The following FLYWCH1 variants were observed in gnomAD, a reference collection of about 807,000 sequenced individuals.
FLYWCH1 encodes the protein FLYWCH-type zinc finger-containing protein 1.
A neutral mutation model predicts 66.4 loss-of-function variants in FLYWCH1; 75 were observed. That is an observed-to-expected ratio of 1.13 (90% CI 0.94 to 1.37). The LOEUF is 1.37. FLYWCH1 is among the 40% of genes most tolerant of loss of function. The pLI, the probability that FLYWCH1 is intolerant of heterozygous loss-of-function variation, is 0.00. For synonymous variants in FLYWCH1, 595 were observed against 429.9 expected (o/e 1.38, Z -4.75); for missense variants, 1,334 against 1,001.8 (o/e 1.33, Z -4.48).
chr16:2,938,607 G>GTTTTT (rs35169451), intron 8 of FLYWCH1, among the ~76,000 whole-genome samples, 151 bp downstream of exon 8: 12 of 129,156 alleles, frequency 9.3e-5, no homozygotes, highest in Non-Finnish European at 1.6e-4. Context: ...ACCAGTCTTT[G>GTTTTT]TTTTTTTTTT....
intron 8 of FLYWCH1, among the ~76,000 whole-genome samples, chr16:2,939,540 G>C (rs1209853990): frequency 6.7e-6 from 1 of 148,466 alleles, no homozygotes; most frequent in African/African-American, 2.5e-5. Context: ...GTGAAACCCT[G>C]TCTCTAAAAA....
rs115196548 is a variant in FLYWCH1 at position 2,933,794 on chromosome 16, C to G, written c.1328C>G (p.Ala443Gly). 1.9e-6 allele frequency: 3 copies of G among 1,608,324 alleles called. No homozygotes were observed. In the East Asian group the frequency reaches 6.7e-5, roughly 36 times the overall value. Residue 443 changes from alanine (A) to glycine (G), a missense_variant, in exon 6 of 10, where the codon GCG (alanine) becomes GGG (glycine). Physicochemically the swap from Ala to Gly is moderately conservative, Grantham distance 60. Coordinates refer to ENST00000253928, the MANE Select transcript of FLYWCH1 (RefSeq NM_001308068.2). ...TCCTTCCTCTACCGGCGGGAGAAGG[C>G]GGCTGGGGAGAAGGTGTATTGGACC... ...YESFLYRREK[A>G]AGEKVYWTCR...
Position 2,933,980 on chromosome 16 carries a change from G to A in FLYWCH1, c.1513+1G>A, listed in dbSNP as rs775417603. On this transcript the variant is annotated splice_donor_variant, in intron 6 of 9. Coordinates refer to ENST00000253928, the MANE Select transcript of FLYWCH1 (RefSeq NM_001308068.2). LOFTEE classifies it high-confidence loss of function. Reference sequence around the variant, plus strand: ...AACACGGCGCAGCGGGGGAGCCCAGGTACCTGGGGGTGGGCTGGGAGCTGG... The same window carrying A: ...AACACGGCGCAGCGGGGGAGCCCAGATACCTGGGGGTGGGCTGGGAGCTGG... 9 of 1,521,726 alleles carry A rather than the reference G, an allele frequency of 5.9e-6. No individual in the cohort carries two copies. The highest frequency in any genetic ancestry group is 8.0e-6 in the Non-Finnish European group (9 of 1,131,816). 94.3% of individuals were successfully genotyped at this position (1,521,726 alleles called of 1,614,324 possible). A position where few individuals can be genotyped will look rare whatever the true frequency, so the allele number is the denominator to read the frequency against.
rs781476278 is a variant in FLYWCH1, at chr16:2,937,354, T to C, written c.1747T>C (p.Phe583Leu). The change falls in exon 7 of 10, where the codon TTC becomes CTC. Residue 583 changes from phenylalanine to leucine, a missense_variant. Transcript: ENST00000253928. ...GLEALRQREH[F>L]PNLAQWDSPD... Reference sequence around the variant, plus strand: ...GGAGGCCCTGCGGCAGCGGGAGCACTTCCCCAACCTGGCGCAGTGGGACAG... The same window carrying C: ...GGAGGCCCTGCGGCAGCGGGAGCACCTCCCCAACCTGGCGCAGTGGGACAG... The C allele has an allele frequency of 4.4e-6, 7 of 1,587,254 alleles. No homozygotes were observed. Among genetic ancestry groups the C allele is most frequent in the Non-Finnish European group, 6.0e-6 (7 of 1,167,544 alleles).
rs780502364 is a variant in FLYWCH1 at position 2,930,852 on chromosome 16, G to A, written c.768G>A (p.Pro256=). 40 of 1,600,574 alleles carry A rather than the reference G, an allele frequency of 2.5e-5. No homozygotes were observed. Among genetic ancestry groups the A allele is most frequent in the Middle Eastern group, 2.2e-4 (1 of 4,578 alleles). ...APRALSLLSL[P]PKKRSILGLG... is the part of the protein sequence containing the mutation. ...GAGCCCTGTCACTGCTGAGCCTGCC[G>A]CCCAAGAAGCGCTCGATCCTGGGGC... is the stretch of plus-strand genomic sequence containing the variant. Residue 256 remains proline (P), a synonymous_variant, in exon 4 of 10, where the codon CCG becomes CCA. Transcript: ENST00000253928.
Position 2,930,724 on chromosome 16 carries a change from G to T in FLYWCH1, c.640G>T (p.Glu214Ter). ...TGAGGGCCCTGGAGGCCGAGTGGAG[G>T]AGCCCCTGGAGGGGGTGGGCCCGTG... The part of the protein sequence containing the change: ...GPEGPGGRVE[E>*]PLEGVGPWQC... The change falls in exon 4 of 10, where the codon GAG (glutamate) becomes TAG (stop). Residue 214 changes from glutamate (E) to a stop codon, truncating the protein, a stop_gained. Transcript: ENST00000253928. LOFTEE classifies it high-confidence loss of function. 1 of 1,549,278 alleles carries T rather than the reference G, an allele frequency of 6.5e-7. No homozygotes were observed. The highest frequency in any genetic ancestry group is 8.7e-7 in the Non-Finnish European group (1 of 1,151,274).
intron 8 of FLYWCH1, 198 bp from the exon 9 acceptor site, chr16:2,939,834 A>C: frequency 2.0e-6 from 1 of 493,080 alleles, no homozygotes; most frequent in Middle Eastern, 3.3e-4. Flanking sequence ...ACAGCAGCTG[A>C]AGGTCAACTC....
At chr16:2,925,582 G>GT (rs2070534308) in intron 2 of FLYWCH1, among the ~76,000 whole-genome samples, 1 of 67,458 alleles carries the variant, frequency 1.5e-5, no homozygotes, top group Non-Finnish European at 2.7e-5. Context: ...TGCGGGGGGA[G>GT]GGGGGTACGG....
intron 2 of FLYWCH1, chr16:2,929,054 G>C (rs2070668290): frequency 1.3e-5 from 2 of 153,198 alleles, no homozygotes; most frequent in African/African-American, 4.8e-5. Context: ...GCCGTCCTCT[G>C]GAAAGGGCTC....
chr16:2,945,876 A>G (rs1005513036), intron 9 of FLYWCH1, among the ~76,000 whole-genome samples: 5 of 151,960 alleles, frequency 3.3e-5, no homozygotes, highest in Admixed American at 6.6e-5. Context: ...AGGTGCCTGT[A>G]GTCCCAGTTA....
chr16:2,919,504 T>C (rs1413014758), intron 2 of FLYWCH1, among the ~76,000 whole-genome samples: 1 of 152,080 alleles, frequency 6.6e-6, no homozygotes, highest in Non-Finnish European at 1.5e-5. Context: ...GACCTCGTGA[T>C]CCGCCTGCCT....
Position 2,933,516 on chromosome 16 carries a change from G to A in FLYWCH1, c.1183G>A (p.Glu395Lys), listed in dbSNP as rs565146908. The change falls in exon 5 of 10, where the codon GAA becomes AAA. Residue 395 changes from glutamate (E) to lysine (K), a missense_variant. Transcript: ENST00000253928. ...TCGGCCCAGAAAGCGAGCAAAGGTC[G>A]AAGACCAGGAGCTGCCAACCCAGCC... ...RPRPRKRAKV[E>K]DQELPTQPEA... 48 of 1,612,076 alleles carry A rather than the reference G, an allele frequency of 3.0e-5. No individual in the cohort carries two copies. The highest frequency in any genetic ancestry group is 2.2e-4 in the South Asian group (20 of 90,850).
In FLYWCH1 at chr16:2,938,436, C is replaced by G. The variant is rs767882824; in HGVS notation, c.2030C>G (p.Thr677Arg). The change falls in exon 8 of 10, where the codon ACG becomes AGG. Residue 677 changes from threonine (T) to arginine (R), a missense_variant. Transcript: ENST00000253928. ...AGGCAACGGGAGCGGCTCCCCACCA[C>G]GGCCCAGCAGGAGGACCCAGGTACA... ...ALRQRERLPT[T>R]AQQEDPEKIQ... is the part of the protein sequence containing the mutation. 1.3e-6 allele frequency: 2 copies of G among 1,527,490 alleles called. No homozygotes were observed. Among genetic ancestry groups the G allele is most frequent in the Non-Finnish European group, 8.8e-7 (1 of 1,138,392 alleles). 94.6% of individuals were successfully genotyped at this position (1,527,490 alleles called of 1,614,324 possible). A position where few individuals can be genotyped will look rare whatever the true frequency, so the allele number is the denominator to read the frequency against.
chr16:2,938,024 G>GGGCTGCAGGGCCCAGAGGGGAGGAGGGCA (rs2071090092), intron 7 of FLYWCH1, among the ~76,000 whole-genome samples, 160 bp from the exon 8 acceptor site: 1 of 152,168 alleles, frequency 6.6e-6, no homozygotes. Flanking sequence ...GTGGGAGTCT[G>GGGCTGCAGGGCCCAGAGGGGAGGAGGGCA]GGCTGCAGGG....
At chr16:2,916,704 C>A (rs1289013133) in intron 2 of FLYWCH1, among the ~76,000 whole-genome samples, 5 of 152,090 alleles carry the variant, frequency 3.3e-5, no homozygotes, top group Non-Finnish European at 7.4e-5. Flanking sequence ...TGTTTGATAT[C>A]CTGAGACACA....
At chr16:2,920,986 C>T (rs534743159) in intron 2 of FLYWCH1, among the ~76,000 whole-genome samples, 1 of 151,936 alleles carries the variant, frequency 6.6e-6, no homozygotes, top group South Asian at 2.1e-4. Flanking sequence ...GGACTACAGG[C>T]GCCCGCCACC....
At chr16:2,934,119 G>A (rs886851071) in intron 6 of FLYWCH1, 140 bp downstream of exon 6, 1 of 1,116,738 alleles carries the variant, frequency 9.0e-7, no homozygotes, top group Non-Finnish European at 1.2e-6. Context: ...TATGGCCCTG[G>A]CCTCCTACTC....
In FLYWCH1 at chr16:2,934,038, C is replaced by T. The variant is rs1162987965; in HGVS notation, c.1513+59C>T. ...GAAGCAGGCAGGAGCCCCACACTGCCTTTCCCTCTCCATGCTGCGGCTCCC... is the reference window on the plus strand; with the variant it reads ...GAAGCAGGCAGGAGCCCCACACTGCTTTTCCCTCTCCATGCTGCGGCTCCC... On this transcript the variant is annotated intron_variant, in intron 6 of 9. Coordinates refer to ENST00000253928, the MANE Select transcript of FLYWCH1 (RefSeq NM_001308068.2). 2.8e-6 allele frequency: 4 copies of T among 1,453,218 alleles called. No homozygotes were observed. The East Asian group carries it at 7.5e-5, about 27-fold the overall frequency. 90.0% of individuals were successfully genotyped at this position (1,453,218 alleles called of 1,614,324 possible).
chr16:2,917,411 T>G (rs866905036), intron 2 of FLYWCH1, among the ~76,000 whole-genome samples: 1 of 151,322 alleles, frequency 6.6e-6, no homozygotes, highest in African/African-American at 2.4e-5. Context: ...GTATTTTTAG[T>G]AGAGACGGGG....
Sources: allele counts gnomAD v4.1 joint callset (sites outside exome capture counted in the v4.1 genomes callset), GRCh38; gene constraint gnomAD v4.1.1; transcripts MANE v1.5; gene names NCBI Gene and HGNC (gene_info 2026-07-23, HGNC 2026-07-21).